Variants in DNAH3 observed in about 807,000 individuals in gnomAD.
The protein encoded by DNAH3 is dynein axonemal heavy chain 3.
Under a neutral mutation model 432.5 loss-of-function variants are expected in DNAH3, and 332 were observed. The observed-to-expected ratio is 0.77, with a 90% confidence interval of 0.70 to 0.84. The LOEUF (loss-of-function observed/expected upper bound fraction) is 0.84, where lower values mean the gene tolerates loss of function less well. Among genes scored for constraint, DNAH3 ranks in the 40% least tolerant of loss-of-function variants. The pLI is 0.00. For synonymous variants in DNAH3, 1,956 were observed against 1,900.2 expected, an observed-to-expected ratio of 1.03 and a Z score of -0.76; for missense variants, 4,861 against 5,114.0, an observed-to-expected ratio of 0.95 and a Z score of 1.51.
chr16:20,995,106 TTTG>T (rs1326885610), intron 44 of DNAH3, among the ~76,000 whole-genome samples: 2 of 152,012 alleles, frequency 1.3e-5, no homozygotes, highest in African/African-American at 4.8e-5. Flanking sequence ...CAGATAATTT[TTTG>T]TTGTTGTTGT....
At chr16:21,144,062 A>C (rs1463924318) in intron 3 of DNAH3, among the ~76,000 whole-genome samples, 2 of 152,204 alleles carry the variant, frequency 1.3e-5, no homozygotes, top group Non-Finnish European at 2.9e-5. Context: ...CATCCAACAA[A>C]AATTACTAAA....
chr16:21,147,439 C>G (rs189521949), intron 1 of DNAH3, among the ~76,000 whole-genome samples: 1 of 152,254 alleles, frequency 6.6e-6, no homozygotes, highest in Admixed American at 6.5e-5. Context: ...TGGTCTTGAA[C>G]TCCTGACCTC....
chr16:21,034,537 A>G (rs990999209), intron 35 of DNAH3, among the ~76,000 whole-genome samples: 1 of 152,228 alleles, frequency 6.6e-6, no homozygotes, highest in African/African-American at 2.4e-5. Context: ...AGAGAAAAAG[A>G]AAATGGCGGT....
At chr16:21,143,181 T>G (rs1044850501) in intron 3 of DNAH3, among the ~76,000 whole-genome samples, 10 of 152,152 alleles carry the variant, frequency 6.6e-5, no homozygotes, top group Admixed American at 6.6e-4. Context: ...TATTAATAAT[T>G]TTGGACTAAG....
exon 53 of DNAH3, chr16:20,963,766 A>G: frequency 6.2e-7 from 1 of 1,613,896 alleles, no homozygotes; most frequent in Non-Finnish European, 8.5e-7. Flanking sequence ...GAGGAGAGAG[A>G]AGAGTAGCTT....
At chr16:21,067,757 T>TGAGGGGGGGGTGGGGGGGG (rs1469229191) in intron 23 of DNAH3, among the ~76,000 whole-genome samples, 1 of 29,804 alleles carries the variant, frequency 3.4e-5, no homozygotes, top group Non-Finnish European at 5.7e-5. Context: ...AAGCCAGTCT[T>TGAGGGGGGGGTGGGGGGGG]GGGGGGGGGG....
rs746444954 is a variant in DNAH3, at chr16:20,941,489, CAA to C, written c.11564_11565del (p.Phe3855Ter). Reference sequence around the variant, plus strand: ...TACAACTTCATGACCTCTTCCAGGTCAAAGTCTCTGGGAAGCTTGGAGAGAAT... The same window carrying C: ...TACAACTTCATGACCTCTTCCAGGTCAGTCTCTGGGAAGCTTGGAGAGAAT... On this transcript the variant is annotated frameshift_variant, in exon 59 of 62. Transcript: ENST00000261383. LOFTEE classifies it high-confidence loss of function. The C allele has an allele frequency of 1.9e-6, 3 of 1,614,176 alleles. No homozygotes were observed. The highest frequency in any genetic ancestry group is 1.7e-5 in the Admixed American group (1 of 60,020).
At chr16:20,974,173 C>T (rs576139849) in intron 51 of DNAH3, among the ~76,000 whole-genome samples, 7 of 152,098 alleles carry the variant, frequency 4.6e-5, no homozygotes, top group East Asian at 2.0e-4. Context: ...GTGCATGCCA[C>T]CACAGCTGGC....
intron 1 of DNAH3, among the ~76,000 whole-genome samples, chr16:21,153,966 T>G (rs1426029144): frequency 1.3e-5 from 2 of 152,246 alleles, no homozygotes; most frequent in East Asian, 3.8e-4. Context: ...ACATACGGTT[T>G]CAAATAGCAT....
At chr16:21,019,712 A>C (rs2088056827) in exon 41 of DNAH3, 1 of 1,614,072 alleles carries the variant, frequency 6.2e-7, no homozygotes. Context: ...GGTTGCGGAA[A>C]AACACATCAA....
chr16:20,941,314 C>T (rs932666984), intron 59 of DNAH3, 87 bp downstream of exon 59: 6 of 1,543,814 alleles, frequency 3.9e-6, no homozygotes, highest in Non-Finnish European at 5.3e-6. Context: ...ACTTCCTCTG[C>T]ATAGCAACCC....
intron 5 of DNAH3, among the ~76,000 whole-genome samples, chr16:21,137,074 C>CAGTG (rs1172829027): frequency 6.6e-6 from 1 of 152,020 alleles, no homozygotes; most frequent in Non-Finnish European, 1.5e-5. Flanking sequence ...GTGGAGGTTG[C>CAGTG]AGTGAGCCAA....
At chr16:21,026,024 C>A (rs2088535961) in intron 38 of DNAH3, among the ~76,000 whole-genome samples, 1 of 152,134 alleles carries the variant, frequency 6.6e-6, no homozygotes. Flanking sequence ...CAGCATAAGT[C>A]ATCGTACCTG....
intron 57 of DNAH3, among the ~76,000 whole-genome samples, chr16:20,947,603 C>T (rs2084107077): frequency 6.6e-6 from 1 of 152,106 alleles, no homozygotes; most frequent in Non-Finnish European, 1.5e-5. Flanking sequence ...TTAGAGGACA[C>T]CCAGTTGGTG....
intron 43 of DNAH3, among the ~76,000 whole-genome samples, chr16:20,999,944 A>G (rs2086936356): frequency 6.7e-6 from 1 of 150,044 alleles, no homozygotes; most frequent in Non-Finnish European, 1.5e-5. Context: ...CTTCCACTAC[A>G]AGGAAGAGAG....
In DNAH3 at chr16:21,024,719, C is replaced by CCA; in HGVS notation, c.5541-20_5541-19dup. 2 of 1,591,228 alleles carry CCA rather than the reference C, an allele frequency of 1.3e-6. No homozygotes were observed. The highest frequency in any genetic ancestry group is 2.2e-5 in the South Asian group (2 of 90,554). ...TCCCACACCTGGGAAGCACAGAGGA[C>CCA]CAGTTTAGGTGCTCGCTTCTTTGTT... On this transcript the variant is annotated intron_variant, in intron 38 of 61. Coordinates refer to ENST00000261383, the Ensembl canonical transcript of DNAH3.
intron 57 of DNAH3, 36 bp downstream of exon 57, chr16:20,948,447 G>C (rs752848795): frequency 4.0e-5 from 64 of 1,601,706 alleles, no homozygotes; most frequent in Non-Finnish European, 5.3e-5. Flanking sequence ...GGAGCCCTGT[G>C]GGGGAAAGAG....
Position 21,034,002 on chromosome 16 carries a change from C to G in DNAH3, c.5169G>C (p.Leu1723Phe), listed in dbSNP as rs770027024. The stretch of plus-strand genomic sequence containing the variant: ...CGTGTAAATCGCCGAGAGCTGCAGC[C>G]AACACTTTATAAGCAGAGGTCTTGC... The change falls in exon 36 of 62, where the codon TTG (leucine) becomes TTC (phenylalanine). Residue 1723 changes from leucine (L) to phenylalanine (F), a missense_variant. By Grantham distance (22) the Leu-to-Phe change is conservative. Transcript: ENST00000261383. 3.2e-5 allele frequency: 52 copies of G among 1,613,580 alleles called. No individual in the cohort carries two copies. Among genetic ancestry groups the G allele is most frequent in the Non-Finnish European group, 4.2e-5 (50 of 1,179,792 alleles).
chr16:21,036,633 C>A lies in DNAH3; in HGVS notation c.5085+81G>T, dbSNP rs543582940. Reference sequence around the variant, plus strand: ...ACCTCTGATTGCTGTCACTTCAGTTCCAATCTCCTATAAGACTTTACTGTT... The same window carrying A: ...ACCTCTGATTGCTGTCACTTCAGTTACAATCTCCTATAAGACTTTACTGTT... On this transcript the variant is annotated intron_variant, in intron 35 of 61. Transcript: ENST00000261383. 2.2e-6 allele frequency: 3 copies of A among 1,333,732 alleles called. No individual in the cohort carries two copies. In the East Asian group the frequency reaches 6.9e-5, roughly 31 times the overall value. The allele number at this position is 1,333,732 out of a possible 1,614,324, so 82.6% of individuals were successfully genotyped here. A position where few individuals can be genotyped will look rare whatever the true frequency, so the allele number is the denominator to read the frequency against.
Sources: allele counts gnomAD v4.1 joint callset (sites outside exome capture counted in the v4.1 genomes callset), GRCh38; gene constraint gnomAD v4.1.1; transcripts MANE v1.5; gene names NCBI Gene and HGNC (gene_info 2026-07-23, HGNC 2026-07-21).